SNX29: variants seen among roughly 807,000 people sequenced by gnomAD.
SNX29 encodes sorting nexin-29.
Under a neutral mutation model 102.1 loss-of-function variants are expected in SNX29, and 78 were observed. That is an observed-to-expected ratio of 0.76 (90% CI 0.64 to 0.92). The LOEUF (loss-of-function observed/expected upper bound fraction) is 0.92, where lower values mean the gene tolerates loss of function less well. Ranked by LOEUF, SNX29 falls within the 40% of genes least tolerant of loss-of-function variation. The pLI is 0.00. For missense variants in SNX29, 1,280 were observed against 1,061.7 expected (o/e 1.21, Z -2.86); for synonymous variants, 580 against 414.5 (o/e 1.40, Z -4.85).
In SNX29 at chr16:12,568,983, A is replaced by C. The variant is rs952061933; in HGVS notation, c.*354A>C. The C allele has an allele frequency of 1.5e-5, 5 of 336,630 alleles. No homozygotes were observed. Among genetic ancestry groups the C allele is most frequent in the Non-Finnish European group, 2.7e-5 (5 of 183,562 alleles). 20.9% of individuals were successfully genotyped at this position (336,630 alleles called of 1,614,324 possible). The stretch of plus-strand genomic sequence containing the variant: ...CTGGGTGCGCCATGGTTGAGAGGCA[A>C]AGGTGATCCCCTATATAGGAAGGTT... On this transcript the variant is annotated 3_prime_UTR_variant, in exon 21 of 21. Transcript: ENST00000566228.
chr16:12,556,062 T>TG (rs759734622), intron 20 of SNX29, among the ~76,000 whole-genome samples: 2 of 151,458 alleles, frequency 1.3e-5, no homozygotes, highest in African/African-American at 4.8e-5. Context: ...AGGGTGCTTT[T>TG]CTTATTAATC....
intron 3 of SNX29, among the ~76,000 whole-genome samples, chr16:12,011,629 T>C (rs1402155215): frequency 6.6e-6 from 1 of 152,166 alleles, no homozygotes; most frequent in African/African-American, 2.4e-5. Context: ...CTTATATTGA[T>C]AGTTGTTGAG....
At chr16:12,221,620 A>G (rs553938252) in intron 14 of SNX29, among the ~76,000 whole-genome samples, 1 of 152,336 alleles carries the variant, frequency 6.6e-6, no homozygotes, top group East Asian at 1.9e-4. Context: ...TCAAAAATGA[A>G]CAAACAAAAA....
chr16:12,063,296 T>G, intron 9 of SNX29, among the ~76,000 whole-genome samples: 1 of 151,402 alleles, frequency 6.6e-6, no homozygotes, highest in South Asian at 2.1e-4. Context: ...TGGGGTGCTG[T>G]CATCTTTCTT....
At chr16:12,306,615 G>A (rs1211073460) in intron 15 of SNX29, among the ~76,000 whole-genome samples, 2 of 152,146 alleles carry the variant, frequency 1.3e-5, no homozygotes, top group East Asian at 1.9e-4. Flanking sequence ...TCCCTCCAGC[G>A]GAAATTGAAG....
chr16:12,505,763 CAAAA>C (rs61113263), intron 19 of SNX29, among the ~76,000 whole-genome samples: 2 of 75,874 alleles, frequency 2.6e-5, no homozygotes, highest in African/African-American at 1.1e-4. Context: ...GTCAATTCTG[CAAAA>C]AAAAAAAAAA....
chr16:12,349,574 T>G (rs2081937142), intron 15 of SNX29, among the ~76,000 whole-genome samples: 1 of 152,216 alleles, frequency 6.6e-6, no homozygotes, highest in African/African-American at 2.4e-5. Context: ...TTTTCAGATT[T>G]GGGATGCTCA....
intron 19 of SNX29, among the ~76,000 whole-genome samples, chr16:12,494,824 G>T (rs11860737): frequency 6.6e-6 from 1 of 152,024 alleles, no homozygotes; most frequent in African/African-American, 2.4e-5. Context: ...TTAGCTCTCC[G>T]CTGTGAGCTG....
At chr16:12,257,441 C>T (rs1178959832) in intron 14 of SNX29, among the ~76,000 whole-genome samples, 1 of 152,150 alleles carries the variant, frequency 6.6e-6, no homozygotes, top group Non-Finnish European at 1.5e-5. Context: ...TGTGCAGCAA[C>T]ATATTCACAG....
At chr16:12,013,542 T>TATATATATATAA (rs1382498593) in intron 3 of SNX29, among the ~76,000 whole-genome samples, 1 of 109,076 alleles carries the variant, frequency 9.2e-6, no homozygotes, top group Admixed American at 9.7e-5. Flanking sequence ...TATATATATA[T>TATATATATATAA]CGAGAGAGGA....
At chr16:12,060,942 T>G (rs141965644) in intron 8 of SNX29, 1 of 446,778 alleles carries the variant, frequency 2.2e-6, no homozygotes, top group African/African-American at 2.0e-5. Context: ...TCTGTCCTTT[T>G]ACCCACGAGG....
intron 19 of SNX29, among the ~76,000 whole-genome samples, chr16:12,512,418 A>ATATATATATATATAT (rs1555559124): frequency 6.6e-5 from 4 of 61,008 alleles, no homozygotes; most frequent in African/African-American, 1.4e-4. Flanking sequence ...ATATATATAT[A>ATATATATATATATAT]GTTTTCGGTT....
chr16:12,568,330 C>A (rs527601825), intron 20 of SNX29, among the ~76,000 whole-genome samples, 176 bp from the exon 21 acceptor site: 1 of 140,234 alleles, frequency 7.1e-6, no homozygotes, highest in Non-Finnish European at 1.6e-5. Context: ...GAAAGGTTTA[C>A]GTGACAATAG....
In SNX29 at chr16:12,467,101, C is replaced by T. The variant is rs549919941; in HGVS notation, c.2038-10618C>T. On this transcript the variant is annotated intron_variant, in intron 18 of 20. Transcript: ENST00000566228. The stretch of plus-strand genomic sequence containing the variant: ...CATGAAGTCGGGCAGACCTGGGCTT[C>T]AGTCCTTGTTTCACTTCTAACTAGC... 5.3e-5 allele frequency among the ~76,000 whole-genome samples: 8 copies of T among 152,308 alleles called. No individual in the cohort carries two copies. The South Asian group carries it at 1.2e-3, about 24-fold the overall frequency.
rs1447968575 is a variant in SNX29 at position 12,477,779 on chromosome 16, A to T, written c.2098A>T (p.Ser700Cys). ...TTATCGCCGGTATACAGAGTTCAGG[A>T]GTTTGCACCACAAGTTACAAAACAA... Reference protein sequence around the residue: ...NIYRRYTEFRSLHHKLQNKYP... With the variant: ...NIYRRYTEFRCLHHKLQNKYP... The change falls in exon 19 of 21, where the codon AGT becomes TGT. Residue 700 changes from serine (S) to cysteine (C), a missense_variant. Coordinates refer to ENST00000566228, the MANE Select transcript of SNX29 (RefSeq NM_032167.5). 5 of 1,613,470 alleles carry T rather than the reference A, an allele frequency of 3.1e-6. No individual in the cohort carries two copies. In the East Asian group the frequency reaches 1.1e-4, roughly 36 times the overall value.
intron 15 of SNX29, among the ~76,000 whole-genome samples, chr16:12,343,720 G>T (rs1005892511): frequency 6.6e-6 from 1 of 151,694 alleles, no homozygotes; most frequent in Non-Finnish European, 1.5e-5. Flanking sequence ...GAGGGCAGGG[G>T]CAGGGGCAGG....
chr16:12,559,622 C>T (rs893020915), intron 20 of SNX29, among the ~76,000 whole-genome samples: 2 of 152,128 alleles, frequency 1.3e-5, no homozygotes, highest in African/African-American at 2.4e-5. Flanking sequence ...CGTGACCTTG[C>T]ACATGGCCCT....
At chr16:12,553,993 T>G (rs1460193502) in intron 20 of SNX29, among the ~76,000 whole-genome samples, 1 of 151,978 alleles carries the variant, frequency 6.6e-6, no homozygotes, top group African/African-American at 2.4e-5. Context: ...TTTGGCTAAT[T>G]TTTGTATTTT....
At chr16:12,543,621 C>G (rs1001827734) in intron 20 of SNX29, among the ~76,000 whole-genome samples, 1 of 151,900 alleles carries the variant, frequency 6.6e-6, no homozygotes, top group African/African-American at 2.4e-5. Flanking sequence ...GGGCAGTGCC[C>G]CAGTGCTCCG....
Sources: allele counts gnomAD v4.1 joint callset (sites outside exome capture counted in the v4.1 genomes callset), GRCh38; gene constraint gnomAD v4.1.1; transcripts MANE v1.5; gene names NCBI Gene and HGNC (gene_info 2026-07-23, HGNC 2026-07-21).